The following VWA2 variants were observed in gnomAD, a reference collection of about 807,000 sequenced individuals.
VWA2 encodes the protein von Willebrand factor A domain containing 2.
A neutral mutation model predicts 70.4 loss-of-function variants in VWA2; 73 were observed. The ratio of observed to expected loss-of-function variants is 1.04; its 90% CI spans 0.86 to 1.26. The LOEUF (loss-of-function observed/expected upper bound fraction) is 1.26, where lower values mean the gene tolerates loss of function less well. VWA2 is among the 50% of genes most tolerant of loss of function. The pLI, the probability that VWA2 is intolerant of heterozygous loss-of-function variation, is 0.00. For synonymous variants in VWA2, 407 were observed against 423.3 expected, an observed-to-expected ratio of 0.96 and a Z score of 0.47; for missense variants, 1,011 against 998.5, an observed-to-expected ratio of 1.01 and a Z score of -0.17.
chr10:114,248,350 C>G lies in VWA2; in HGVS notation c.-10-354C>G, dbSNP rs368753066. 2.6e-5 allele frequency among the ~76,000 whole-genome samples: 4 copies of G among 152,240 alleles called. No individual in the cohort carries two copies. In the East Asian group the frequency reaches 5.8e-4, roughly 22 times the overall value. On this transcript the variant is annotated intron_variant, in intron 1 of 13. Transcript: ENST00000392982. Reference sequence around the variant, plus strand: ...ACCCTGAGAAAGAAGTGACTTTGCCCAGGGTCACGTGGCTAGTCAGGGCCC... The same window carrying G: ...ACCCTGAGAAAGAAGTGACTTTGCCGAGGGTCACGTGGCTAGTCAGGGCCC...
Position 114,239,360 on chromosome 10 carries a change from C to T in VWA2, c.-220C>T, listed in dbSNP as rs570223501. 2.0e-5 allele frequency: 3 copies of T among 152,374 alleles called. No individual in the cohort carries two copies. Among genetic ancestry groups the T allele is most frequent in the African/African-American group, 7.2e-5 (3 of 41,598 alleles). The allele number at this position is 152,374 out of a possible 1,614,324, so 9.4% of individuals were successfully genotyped here. On this transcript the variant is annotated 5_prime_UTR_variant, in exon 1 of 14. Coordinates refer to ENST00000392982, the MANE Select transcript of VWA2 (RefSeq NM_001272046.2). The stretch of plus-strand genomic sequence containing the variant: ...ATGCCGCTTTAAAAAACGCGAGGGG[C>T]TCTATGCACCTCCCTGGCGGTAGTT...
chr10:114,280,212 C>T (rs1301048396), intron 8 of VWA2, among the ~76,000 whole-genome samples: 51 of 152,200 alleles, frequency 3.4e-4, no homozygotes, highest in Admixed American at 3.3e-3. Context: ...GAGCTCTTCA[C>T]CCATTTCTTC....
intron 11 of VWA2, among the ~76,000 whole-genome samples, chr10:114,287,694 A>T (rs7101181): frequency 0.021 from 3,204 of 152,076 alleles, 111 homozygotes; most frequent in African/African-American, 0.065. Context: ...TGGATTTTTT[A>T]AAAAAAATAA....
At chr10:114,284,494 A>G (rs1203923725) in intron 9 of VWA2, among the ~76,000 whole-genome samples, 2 of 152,204 alleles carry the variant, frequency 1.3e-5, no homozygotes, top group Admixed American at 6.5e-5. Flanking sequence ...GAGGCCATTA[A>G]GACAACCCTG....
chr10:114,246,714 T>C, intron 1 of VWA2: 1 of 1,538,560 alleles, frequency 6.5e-7, no homozygotes. Flanking sequence ...GCAAACAGTC[T>C]TAGGAATCGT....
chr10:114,244,747 T>C (rs1016731908), intron 1 of VWA2, among the ~76,000 whole-genome samples: 1 of 152,254 alleles, frequency 6.6e-6, no homozygotes, highest in Non-Finnish European at 1.5e-5. Flanking sequence ...TGGATGGGAA[T>C]AGAGTGCAAA....
intron 6 of VWA2, among the ~76,000 whole-genome samples, chr10:114,273,942 A>C (rs2037765659): frequency 6.6e-6 from 1 of 152,224 alleles, no homozygotes; most frequent in African/African-American, 2.4e-5. Flanking sequence ...ATAGAGAGGA[A>C]AGCTATTTTA....
In VWA2 at chr10:114,290,381, G is replaced by T; in HGVS notation, c.2248+16G>T. 6.5e-7 allele frequency: 1 copy of T among 1,550,244 alleles called. No individual in the cohort carries two copies. Among genetic ancestry groups the T allele is most frequent in the Non-Finnish European group, 8.7e-7 (1 of 1,146,826 alleles). On this transcript the variant is annotated intron_variant, in intron 13 of 13. Transcript: ENST00000392982. ...TGCGAGAACCGTGAGTGGAGCTCTT[G>T]CTCTGTATGTGTGAGCCAGGGATGG...
intron 2 of VWA2, among the ~76,000 whole-genome samples, chr10:114,250,901 G>A (rs2037182534): frequency 6.6e-6 from 1 of 152,198 alleles, no homozygotes; most frequent in South Asian, 2.1e-4. Flanking sequence ...GCAATCACAT[G>A]CACTTGTTCT....
Position 114,289,175 on chromosome 10 carries a change from AC to A in VWA2, c.1810del (p.Leu604Ter). ...CTGCGGGCCATTAGCCAGGCCCCCT[AC>A]CTAGGTGGGGTGGGCTCAGCCGGCA... ...AMLRAISQAP[Y>X]LGGVGSAGTA... On this transcript the variant is annotated frameshift_variant, in exon 12 of 14. Coordinates refer to ENST00000392982, the MANE Select transcript of VWA2 (RefSeq NM_001272046.2). LOFTEE classifies it high-confidence loss of function. 6.2e-7 allele frequency: 1 copy of A among 1,613,582 alleles called. No homozygotes were observed. The highest frequency in any genetic ancestry group is 1.1e-5 in the South Asian group (1 of 91,008).
intron 2 of VWA2, among the ~76,000 whole-genome samples, chr10:114,251,257 A>T (rs1169671279): frequency 6.6e-6 from 1 of 152,226 alleles, no homozygotes; most frequent in Non-Finnish European, 1.5e-5. Context: ...GCAATCACAC[A>T]TGAAGCAGCT....
intron 1 of VWA2, among the ~76,000 whole-genome samples, chr10:114,245,699 A>G (rs909460011): frequency 6.6e-6 from 1 of 152,150 alleles, no homozygotes; most frequent in African/African-American, 2.4e-5. Context: ...GCAGGCCAGT[A>G]TCCTTCTCAC....
chr10:114,248,592 G>GTCAT (rs1241839944), intron 1 of VWA2, 112 bp from the exon 2 acceptor site: 2 of 866,454 alleles, frequency 2.3e-6, no homozygotes, highest in African/African-American at 3.3e-5. Context: ...GGCCTCCAGG[G>GTCAT]TCATATCTGT....
chr10:114,277,966 T>C lies in VWA2; in HGVS notation c.619T>C (p.Leu207=), dbSNP rs2037888714. The C allele has an allele frequency of 6.2e-7, 1 of 1,612,826 alleles. No homozygotes were observed. The highest frequency in any genetic ancestry group is 8.5e-7 in the Non-Finnish European group (1 of 1,179,718). The change falls in exon 7 of 14, where the codon TTG becomes CTG. Residue 207 remains leucine (L), a synonymous_variant. Transcript: ENST00000392982. The part of the protein sequence containing the change: ...ASEPRGQHVL[L]AEQVEDATNG... ...CGAGCCTAGAGGGCAGCACGTGCTG[T>C]TGGCTGAGCAGGTGGAGGATGCCAC...
In VWA2 at chr10:114,272,604, ATCACTT is replaced by A. The variant is rs1589760181; in HGVS notation, c.372-132_372-127del. The A allele has an allele frequency of 1.1e-4, 79 of 750,098 alleles. No homozygotes were observed. In the East Asian group the frequency reaches 2.1e-3, roughly 20 times the overall value. The allele number at this position is 750,098 out of a possible 1,614,324, so 46.5% of individuals were successfully genotyped here. On this transcript the variant is annotated intron_variant, in intron 5 of 13. Coordinates refer to ENST00000392982, the MANE Select transcript of VWA2 (RefSeq NM_001272046.2). Reference sequence around the variant, plus strand: ...TTGTTGTGGTTTAGATGGTAGAACTATCACTTTCAGCCTCTGCTAGGAGAAAGCTAC... The same window carrying A: ...TTGTTGTGGTTTAGATGGTAGAACTATCAGCCTCTGCTAGGAGAAAGCTAC...
intron 3 of VWA2, among the ~76,000 whole-genome samples, 192 bp from the exon 4 acceptor site, chr10:114,254,723 C>T (rs553197228): frequency 2.0e-5 from 3 of 152,304 alleles, no homozygotes; most frequent in South Asian, 2.1e-4. Context: ...CACGTAAGGG[C>T]ACATTTGTGA....
In VWA2 at chr10:114,278,785, A is replaced by T; in HGVS notation, c.767A>T (p.Asn256Ile). 1 of 1,613,846 alleles carries T rather than the reference A, an allele frequency of 6.2e-7. No individual in the cohort carries two copies. Among genetic ancestry groups the T allele is most frequent in the Non-Finnish European group, 8.5e-7 (1 of 1,180,028 alleles). ...TLEMVREFAGNAPCWRGSRRT... is the reference protein window; with the variant it reads ...TLEMVREFAGIAPCWRGSRRT... Reference sequence around the variant, plus strand: ...GAGATGGTCCGGGAGTTCGCTGGCAATGCCCCATGCTGGAGAGGATCGCGG... The same window carrying T: ...GAGATGGTCCGGGAGTTCGCTGGCATTGCCCCATGCTGGAGAGGATCGCGG... The change falls in exon 8 of 14, where the codon AAT becomes ATT. Residue 256 changes from asparagine to isoleucine, a missense_variant. By Grantham distance (149) the Asn-to-Ile change is moderately radical (BLOSUM62 -3). Coordinates refer to ENST00000392982, the MANE Select transcript of VWA2 (RefSeq NM_001272046.2).
At position 114,282,662 on chromosome 10, in the gene VWA2, G is replaced by A. The variant is rs111577437; in HGVS notation, c.889+91G>A. The A allele has an allele frequency of 5.9e-5, 69 of 1,179,196 alleles. No homozygotes were observed. In the African/African-American group the frequency reaches 8.6e-4, roughly 15 times the overall value. The allele number at this position is 1,179,196 out of a possible 1,614,324, so 73.0% of individuals were successfully genotyped here. On this transcript the variant is annotated intron_variant, in intron 9 of 13. Coordinates refer to ENST00000392982, the MANE Select transcript of VWA2 (RefSeq NM_001272046.2). Reference sequence around the variant, plus strand: ...GGCTTTTACAATCCTGGGACAGAGGGTGGGGTTGTGACTGGCTCCAGGGCA... The same window carrying A: ...GGCTTTTACAATCCTGGGACAGAGGATGGGGTTGTGACTGGCTCCAGGGCA...
At position 114,278,745 on chromosome 10, in the gene VWA2, G is replaced by A. The variant is rs1220614574; in HGVS notation, c.727G>A (p.Glu243Lys). Reference sequence around the variant, plus strand: ...CTGCAGGGTCGAGGCTCACCCCTGTGAGCACAGGACGCTGGAGATGGTCCG... The same window carrying A: ...CTGCAGGGTCGAGGCTCACCCCTGTAAGCACAGGACGCTGGAGATGGTCCG... ...PDCRVEAHPCEHRTLEMVREF... is the reference protein window; with the variant it reads ...PDCRVEAHPCKHRTLEMVREF... Residue 243 changes from glutamate (E) to lysine (K), a missense_variant, in exon 8 of 14, where the codon GAG (glutamate) becomes AAG (lysine). Transcript: ENST00000392982. 1 of 1,613,890 alleles carries A rather than the reference G, an allele frequency of 6.2e-7. No homozygotes were observed. The highest frequency in any genetic ancestry group is 1.3e-5 in the African/African-American group (1 of 74,926).
Sources: gnomAD v4.1 joint callset for allele counts (sites outside exome capture counted in the v4.1 genomes callset) on GRCh38, gnomAD v4.1.1 for gene constraint, MANE v1.5 for transcripts, NCBI Gene and HGNC (gene_info 2026-07-23, HGNC 2026-07-21) for gene names.